Variants in FMN1 observed in about 807,000 individuals in gnomAD.
The protein encoded by FMN1 is formin-1.
In FMN1, 110 loss-of-function variants were observed where a neutral mutation model predicts 132.4. The ratio of observed to expected loss-of-function variants is 0.83; its 90% CI spans 0.71 to 0.97. The LOEUF (loss-of-function observed/expected upper bound fraction) is 0.97, where lower values mean the gene tolerates loss of function less well. Among genes scored for constraint, FMN1 ranks in the 50% least tolerant of loss-of-function variants. The probability of loss-of-function intolerance (pLI) is 0.00; values close to 1 mark genes in which losing one functional copy is unlikely to be tolerated. For synonymous variants in FMN1, 722 were observed against 651.7 expected (o/e 1.11, Z -1.64); for missense variants, 1,792 against 1,705.3 (o/e 1.05, Z -0.90).
At chr15:33,097,640 G>C (rs963052992) in intron 4 of FMN1, among the ~76,000 whole-genome samples, 10 of 152,098 alleles carry the variant, frequency 6.6e-5, no homozygotes, top group African/African-American at 1.9e-4. Flanking sequence ...GTGGGGAGGA[G>C]GGCAGACAGA....
At position 33,119,278 on chromosome 15, in the gene FMN1, C is replaced by A. The variant is rs1194097927; in HGVS notation, c.1868-30304G>T. On this transcript the variant is annotated intron_variant, in intron 4 of 20. Transcript: ENST00000616417. ...CTCTGGGGTTACCGACCTCCTGTGC[C>A]GGCACTTCCAAATCCTGGGAACTGA... Among the ~76,000 whole-genome samples, 7 of 152,258 alleles carry A rather than the reference C, an allele frequency of 4.6e-5. No homozygotes were observed. The South Asian group carries it at 1.4e-3, about 32-fold the overall frequency.
intron 6 of FMN1, among the ~76,000 whole-genome samples, chr15:33,021,557 G>C (rs570139186): frequency 1.4e-4 from 22 of 152,276 alleles, no homozygotes; most frequent in African/African-American, 5.1e-4. Flanking sequence ...CAGATATTGA[G>C]TCTTTATGTT....
At chr15:33,105,229 A>C (rs2039439895) in intron 4 of FMN1, among the ~76,000 whole-genome samples, 1 of 152,110 alleles carries the variant, frequency 6.6e-6, no homozygotes, top group Non-Finnish European at 1.5e-5. Flanking sequence ...ACTGGTCAGA[A>C]CTGGGGAGCA....
chr15:33,013,052 C>A (rs2034821835), intron 6 of FMN1: 1 of 401,096 alleles, frequency 2.5e-6, no homozygotes, highest in Admixed American at 2.9e-5. Flanking sequence ...AGCTATGGCA[C>A]TGGCAGAAGA....
intron 6 of FMN1, among the ~76,000 whole-genome samples, chr15:33,061,316 C>T (rs2037471199): frequency 6.6e-6 from 1 of 152,080 alleles, no homozygotes; most frequent in Non-Finnish European, 1.5e-5. Context: ...GGCTTAGGAG[C>T]ACATTAGATT....
chr15:33,015,368 T>A (rs1385808239), intron 6 of FMN1, among the ~76,000 whole-genome samples: 1 of 152,172 alleles, frequency 6.6e-6, no homozygotes, highest in Non-Finnish European at 1.5e-5. Flanking sequence ...ATGGTGTGAA[T>A]TTCAATGGCT....
intron 6 of FMN1, among the ~76,000 whole-genome samples, chr15:33,023,059 C>CAA (rs758459713): frequency 0.3 from 16,015 of 52,618 alleles, 1,193 homozygotes; most frequent in Non-Finnish European, 0.36. Context: ...CTCCCCCACC[C>CAA]AAAAAAAAAA....
chr15:32,774,302 T>G lies in FMN1; in HGVS notation c.*8A>C. The G allele has an allele frequency of 6.2e-7, 1 of 1,601,652 alleles. No homozygotes were observed. The highest frequency in any genetic ancestry group is 8.5e-7 in the Non-Finnish European group (1 of 1,172,682). ...CCTCCAGTGCCATCATTTCCATGTG[T>G]CTTCATCTTAGTTAGTGGTCACACT... On this transcript the variant is annotated 3_prime_UTR_variant, in exon 21 of 21. Coordinates refer to ENST00000616417, the MANE Select transcript of FMN1 (RefSeq NM_001277313.2).
At position 33,056,426 on chromosome 15, in the gene FMN1, C is replaced by T. The variant is rs539432855; in HGVS notation, c.2161+8531G>A. Among the ~76,000 whole-genome samples, 15 of 152,312 alleles carry T rather than the reference C, an allele frequency of 9.8e-5. 1 individual carries two copies. In the South Asian group the frequency reaches 3.1e-3, roughly 32 times the overall value. On this transcript the variant is annotated intron_variant, in intron 6 of 20. Transcript: ENST00000616417. The stretch of plus-strand genomic sequence containing the variant: ...TTTATAGTCAGAAAAAGGAAAATGA[C>T]ATACAGAAAACCAAAGTGAGGTACA...
At chr15:32,938,865 T>C (rs2061338398) in intron 9 of FMN1, among the ~76,000 whole-genome samples, 2 of 152,246 alleles carry the variant, frequency 1.3e-5, no homozygotes, top group Non-Finnish European at 2.9e-5. Context: ...TGTCTTTATA[T>C]TGTTTTTGCT....
At chr15:32,833,297 G>A (rs2058546925) in intron 17 of FMN1, among the ~76,000 whole-genome samples, 1 of 152,188 alleles carries the variant, frequency 6.6e-6, no homozygotes, top group South Asian at 2.1e-4. Flanking sequence ...TAGTGTAACT[G>A]ATAGGGAGGA....
intron 5 of FMN1, among the ~76,000 whole-genome samples, chr15:33,080,305 G>C (rs1184110588): frequency 1.3e-5 from 2 of 152,202 alleles, no homozygotes; most frequent in Non-Finnish European, 2.9e-5. Context: ...TGTTATTTAG[G>C]AGTGAAGGAA....
At chr15:32,995,110 A>G (rs188556972) in intron 7 of FMN1, among the ~76,000 whole-genome samples, 8 of 152,148 alleles carry the variant, frequency 5.3e-5, no homozygotes, top group Admixed American at 3.9e-4. Flanking sequence ...ATATATATAT[A>G]TATGTATATA....
intron 19 of FMN1, among the ~76,000 whole-genome samples, chr15:32,792,737 A>C (rs569710931): frequency 6.6e-6 from 1 of 152,226 alleles, no homozygotes; most frequent in East Asian, 1.9e-4. Flanking sequence ...CATGCTATTT[A>C]ATATTAAAAG....
intron 4 of FMN1, among the ~76,000 whole-genome samples, chr15:33,148,036 G>A (rs1964295879): frequency 6.6e-6 from 1 of 152,088 alleles, no homozygotes; most frequent in Admixed American, 6.5e-5. Flanking sequence ...TAAAAAGATG[G>A]TCAACCTAAT....
chr15:33,066,631 TGTG>T (rs1430186749), intron 5 of FMN1: 4 of 1,613,784 alleles, frequency 2.5e-6, no homozygotes, highest in Middle Eastern at 1.6e-4. Flanking sequence ...AGGTGTCAGC[TGTG>T]GTCCCCTTTC....
chr15:32,930,822 C>A (rs554964365), intron 9 of FMN1, among the ~76,000 whole-genome samples: 10 of 152,044 alleles, frequency 6.6e-5, no homozygotes, highest in African/African-American at 2.2e-4. Flanking sequence ...TTTATAGTTT[C>A]AAGTCTCACA....
At chr15:33,051,586 G>T (rs1460517620) in intron 6 of FMN1, among the ~76,000 whole-genome samples, 1 of 152,192 alleles carries the variant, frequency 6.6e-6, no homozygotes, top group Non-Finnish European at 1.5e-5. Context: ...CAGCTTCCTA[G>T]TAAGATCTCA....
At chr15:33,105,447 T>G (rs1014603025) in intron 4 of FMN1, among the ~76,000 whole-genome samples, 1 of 152,130 alleles carries the variant, frequency 6.6e-6, no homozygotes, top group Non-Finnish European at 1.5e-5. Context: ...TCCCATAATA[T>G]TATCTAGATG....
Sources: allele counts gnomAD v4.1 joint callset (sites outside exome capture counted in the v4.1 genomes callset), GRCh38; gene constraint gnomAD v4.1.1; transcripts MANE v1.5; gene names NCBI Gene and HGNC (gene_info 2026-07-23, HGNC 2026-07-21).